The following THSD4 variants were observed in gnomAD, a reference collection of about 807,000 sequenced individuals.
THSD4 encodes thrombospondin type 1 domain containing 4, also known as thrombospondin type-1 domain-containing protein 4.
THSD4 carries 69 observed loss-of-function variants against 119.0 expected under a neutral mutation model. That is an observed-to-expected ratio of 0.58 (90% CI 0.48 to 0.71). The LOEUF (loss-of-function observed/expected upper bound fraction) is 0.71. Ranked by LOEUF, THSD4 falls within the 30% of genes least tolerant of loss-of-function variation. The probability of loss-of-function intolerance (pLI) is 0.00; values close to 1 mark genes in which losing one functional copy is unlikely to be tolerated. For missense variants in THSD4, 1,393 were observed against 1,391.1 expected, an observed-to-expected ratio of 1.00 and a Z score of -0.02; for synonymous variants, 524 against 540.4, an observed-to-expected ratio of 0.97 and a Z score of 0.42.
intron 3 of THSD4, among the ~76,000 whole-genome samples, chr15:71,193,868 G>A (rs1386038069): frequency 1.1e-4 from 16 of 152,174 alleles, no homozygotes; most frequent in South Asian, 1.0e-3. Context: ...CCGCCGCCAC[G>A]CCCAGCTAAT....
chr15:71,332,957 A>G (rs2045445669), intron 6 of THSD4, among the ~76,000 whole-genome samples: 1 of 111,886 alleles, frequency 8.9e-6, no homozygotes, highest in Middle Eastern at 6.8e-3. Context: ...GTGGCCCCAG[A>G]CAATTCTTAT....
At chr15:71,493,496 T>G (rs796693826) in intron 7 of THSD4, among the ~76,000 whole-genome samples, 48 of 152,316 alleles carry the variant, frequency 3.2e-4, no homozygotes, top group African/African-American at 1.1e-3. Flanking sequence ...TTATCCCCAT[T>G]TGATAGCTGA....
chr15:71,432,677 A>G (rs2046958128), intron 7 of THSD4, among the ~76,000 whole-genome samples: 1 of 152,112 alleles, frequency 6.6e-6, no homozygotes, highest in Middle Eastern at 3.2e-3. Flanking sequence ...AAATAAACCT[A>G]TCCTGTATAG....
chr15:71,280,968 A>G (rs1330552592), intron 6 of THSD4, among the ~76,000 whole-genome samples: 1 of 152,238 alleles, frequency 6.6e-6, no homozygotes, highest in Admixed American at 6.5e-5. Context: ...TGTTTCTACA[A>G]TTGAACTTTC....
At chr15:71,240,798 TAC>T (rs58462444) in intron 4 of THSD4, among the ~76,000 whole-genome samples, 16,032 of 145,438 alleles carry the variant, frequency 0.11, 927 homozygotes, top group South Asian at 0.13. Flanking sequence ...TATATGTGTA[TAC>T]ACACACACAC....
intron 7 of THSD4, among the ~76,000 whole-genome samples, chr15:71,467,490 A>C (rs2047516576): frequency 6.6e-6 from 1 of 152,178 alleles, no homozygotes; most frequent in African/African-American, 2.4e-5. Context: ...AACTGGGGGA[A>C]TCTCAGCAAG....
chr15:71,373,635 T>C (rs2046090793), intron 6 of THSD4, among the ~76,000 whole-genome samples: 1 of 152,194 alleles, frequency 6.6e-6, no homozygotes, highest in Non-Finnish European at 1.5e-5. Context: ...CGAATGGTGG[T>C]CAGGAAACTC....
rs112441811 is a variant in THSD4, at chr15:71,429,163, C to A, written c.1152+17340C>A. On this transcript the variant is annotated intron_variant, in intron 7 of 17. Transcript: ENST00000261862. ...GGCATACGACATTTATTGTAAAATG[C>A]GTGACACAGGAAAATCGGAGGAGAA... Among the ~76,000 whole-genome samples the A allele has an allele frequency of 1.3e-3, 191 of 152,220 alleles. 1 individual carries two copies. Among genetic ancestry groups the A allele is most frequent in the African/African-American group, 4.1e-3 (172 of 41,534 alleles).
intron 7 of THSD4, among the ~76,000 whole-genome samples, chr15:71,491,799 G>A (rs910580090): frequency 1.5e-4 from 23 of 152,130 alleles, no homozygotes; most frequent in Non-Finnish European, 1.6e-4. Flanking sequence ...GGCCTGGGAG[G>A]TTGAGACTTC....
chr15:71,283,115 G>A (rs753505488), intron 6 of THSD4, among the ~76,000 whole-genome samples: 17 of 151,968 alleles, frequency 1.1e-4, no homozygotes, highest in Non-Finnish European at 1.9e-4. Context: ...GACTACAGGC[G>A]CGTGCCACCA....
chr15:71,738,367 G>A (rs898892592), intron 11 of THSD4: 4 of 217,766 alleles, frequency 1.8e-5, no homozygotes, highest in Non-Finnish European at 3.6e-5. Context: ...GGTGTCGATT[G>A]GGGGCCCCTG....
chr15:71,169,966 G>T (rs534304380), intron 3 of THSD4, among the ~76,000 whole-genome samples: 1 of 152,228 alleles, frequency 6.6e-6, no homozygotes, highest in African/African-American at 2.4e-5. Context: ...CTGAGGTCAG[G>T]AGTTCAAGAC....
At chr15:71,429,266 G>T (rs557766098) in intron 7 of THSD4, among the ~76,000 whole-genome samples, 1 of 152,222 alleles carries the variant, frequency 6.6e-6, no homozygotes, top group Non-Finnish European at 1.5e-5. Flanking sequence ...GGAATATGTG[G>T]CAATTTGAGG....
intron 6 of THSD4, among the ~76,000 whole-genome samples, chr15:71,310,812 C>CT (rs1323124253): frequency 6.6e-6 from 1 of 152,202 alleles, no homozygotes; most frequent in East Asian, 1.9e-4. Flanking sequence ...GAGGGATTCA[C>CT]TTTCTCTGTC....
chr15:71,170,064 C>G (rs1403956679), intron 3 of THSD4, among the ~76,000 whole-genome samples: 1 of 152,150 alleles, frequency 6.6e-6, no homozygotes, highest in African/African-American at 2.4e-5. Context: ...ATCCCAGCTA[C>G]TCGGGAAGCT....
At chr15:71,240,195 G>C (rs1282331769) in intron 4 of THSD4, among the ~76,000 whole-genome samples, 1 of 152,178 alleles carries the variant, frequency 6.6e-6, no homozygotes, top group Non-Finnish European at 1.5e-5. Flanking sequence ...GCCAACAGCA[G>C]GTTCTTCTTC....
At chr15:71,463,754 A>C (rs2047458528) in intron 7 of THSD4, among the ~76,000 whole-genome samples, 1 of 152,164 alleles carries the variant, frequency 6.6e-6, no homozygotes, top group Non-Finnish European at 1.5e-5. Context: ...TATTATCCTG[A>C]TTAGACTCCA....
chr15:71,682,927 T>TTTC (rs2051825275), intron 8 of THSD4, among the ~76,000 whole-genome samples: 1 of 135,350 alleles, frequency 7.4e-6, no homozygotes, highest in African/African-American at 2.9e-5. Flanking sequence ...CTTCTTTTTT[T>TTTC]TTTTTTTTTT....
intron 7 of THSD4, among the ~76,000 whole-genome samples, chr15:71,557,737 C>T (rs1007279209): frequency 3.9e-5 from 6 of 152,056 alleles, no homozygotes; most frequent in African/African-American, 7.2e-5. Flanking sequence ...ATTTCATCTA[C>T]GTTTTCCAGT....
Sources: allele counts gnomAD v4.1 joint callset (sites outside exome capture counted in the v4.1 genomes callset), GRCh38; gene constraint gnomAD v4.1.1; transcripts MANE v1.5; gene names NCBI Gene and HGNC (gene_info 2026-07-23, HGNC 2026-07-21).